Variants in RASA2 observed in about 807,000 individuals in gnomAD.
RASA2 encodes RAS p21 protein activator 2.
RASA2 carries 155 observed loss-of-function variants against 118.2 expected under a neutral mutation model. The observed-to-expected ratio is 1.31, with a 90% confidence interval of 1.15 to 1.50. The LOEUF (loss-of-function observed/expected upper bound fraction) is 1.50. Ranked by LOEUF, RASA2 falls within the 40% of genes most tolerant of loss-of-function variation. RASA2 has a pLI of 0.00. For synonymous variants in RASA2, 353 were observed against 349.1 expected, an observed-to-expected ratio of 1.01 and a Z score of -0.12; for missense variants, 1,016 against 1,009.6, an observed-to-expected ratio of 1.01 and a Z score of -0.09.
chr3:141,610,852 G>GTTTTGT (rs370878662), intron 23 of RASA2, among the ~76,000 whole-genome samples: 1,864 of 151,940 alleles, frequency 0.012, 45 homozygotes, highest in African/African-American at 0.042. Flanking sequence ...GTAGCTCTTC[G>GTTTTGT]TTTTGTTTTT....
intron 19 of RASA2, 21 bp downstream of exon 19, chr3:141,586,773 T>C: frequency 6.3e-7 from 1 of 1,575,204 alleles, no homozygotes; most frequent in South Asian, 1.1e-5. Flanking sequence ...TTATGCTTTA[T>C]TGTGGGGTTT....
intron 19 of RASA2, among the ~76,000 whole-genome samples, chr3:141,595,215 A>C (rs2083347989): frequency 6.6e-6 from 1 of 152,248 alleles, no homozygotes; most frequent in Non-Finnish European, 1.5e-5. Context: ...CAGATGAGAC[A>C]GACAGAAAAC....
At chr3:141,493,677 TATTA>T (rs900046592) in intron 1 of RASA2, among the ~76,000 whole-genome samples, 4 of 152,334 alleles carry the variant, frequency 2.6e-5, no homozygotes, top group Non-Finnish European at 4.4e-5. Context: ...ATATTTGATA[TATTA>T]ATTCTATTTG....
intron 3 of RASA2, among the ~76,000 whole-genome samples, chr3:141,523,043 T>A (rs972094661): frequency 2.0e-5 from 3 of 152,142 alleles, no homozygotes; most frequent in Non-Finnish European, 4.4e-5. Flanking sequence ...GGAGCCTGAG[T>A]GTGGAAATGT....
chr3:141,584,553 C>G (rs1295981311), intron 17 of RASA2, among the ~76,000 whole-genome samples: 1 of 152,076 alleles, frequency 6.6e-6, no homozygotes, highest in Non-Finnish European at 1.5e-5. Context: ...TTTCGATTAT[C>G]CCAGATAATC....
intron 15 of RASA2, 78 bp downstream of exon 15, chr3:141,577,184 A>G (rs2083026790): frequency 4.6e-6 from 5 of 1,087,940 alleles, no homozygotes; most frequent in East Asian, 2.8e-5. Flanking sequence ...AAATAAACCA[A>G]TTTCACTAGG....
intron 1 of RASA2, among the ~76,000 whole-genome samples, chr3:141,491,863 C>T (rs981927773): frequency 1.3e-5 from 2 of 152,166 alleles, no homozygotes; most frequent in Admixed American, 1.3e-4. Flanking sequence ...TTTGACATGA[C>T]AGGTTTGAAT....
chr3:141,570,843 A>G, intron 9 of RASA2, 69 bp from the exon 10 acceptor site: 2 of 1,441,406 alleles, frequency 1.4e-6, no homozygotes, highest in South Asian at 1.3e-5. Flanking sequence ...TTTATAACTT[A>G]ACTCTTAACT....
chr3:141,524,584 TTTTG>T (rs1471154502), intron 3 of RASA2, among the ~76,000 whole-genome samples: 1 of 152,024 alleles, frequency 6.6e-6, no homozygotes, highest in South Asian at 2.1e-4. Flanking sequence ...TTGTCACTGT[TTTTG>T]TTTGTTTGTT....
chr3:141,548,140 G>A (rs1336329752), intron 5 of RASA2, among the ~76,000 whole-genome samples: 1 of 152,140 alleles, frequency 6.6e-6, no homozygotes, highest in Non-Finnish European at 1.5e-5. Flanking sequence ...TTGGCCTATA[G>A]TTTTCTTTTT....
In RASA2 at chr3:141,580,066, AAAG is replaced by A. The variant is rs1435886206; in HGVS notation, c.1591-299_1591-297del. On this transcript the variant is annotated intron_variant, in intron 15 of 23. Coordinates refer to ENST00000286364, the MANE Select transcript of RASA2 (RefSeq NM_006506.5). ...GTGAGACTCCATCTCAGGAAAAAAA[AAAG>A]AAAAAAAAAAAAAAAAATATATATA... Among the ~76,000 whole-genome samples the A allele has an allele frequency of 4.7e-4, 44 of 94,206 alleles. 2 individuals are homozygous for A. Among genetic ancestry groups the A allele is most frequent in the African/African-American group, 1.5e-3 (30 of 20,184 alleles). The allele number at this position is 94,206 out of a possible 152,430, so 61.8% of individuals were successfully genotyped here. A position where few individuals can be genotyped will look rare whatever the true frequency, so the allele number is the denominator to read the frequency against.
chr3:141,505,076 C>G (rs966680002), intron 1 of RASA2, among the ~76,000 whole-genome samples: 4 of 152,206 alleles, frequency 2.6e-5, no homozygotes, highest in Non-Finnish European at 5.9e-5. Context: ...CTCCCTGTCT[C>G]TACCCTCTGG....
chr3:141,522,567 C>G (rs1440639348), intron 3 of RASA2, among the ~76,000 whole-genome samples: 1 of 152,114 alleles, frequency 6.6e-6, no homozygotes, highest in Non-Finnish European at 1.5e-5. Flanking sequence ...TGTGCAGGGC[C>G]TCTCCATAAG....
At chr3:141,609,033 G>A (rs2083594427) in intron 21 of RASA2, among the ~76,000 whole-genome samples, 1 of 152,156 alleles carries the variant, frequency 6.6e-6, no homozygotes, top group South Asian at 2.1e-4. Context: ...GGTTGCACAA[G>A]TTAAAAAATT....
chr3:141,537,443 G>A lies in RASA2; in HGVS notation c.451-3090G>A, dbSNP rs953347718. Among the ~76,000 whole-genome samples, 2 of 151,970 alleles carry A rather than the reference G, an allele frequency of 1.3e-5. 1 individual carries two copies. The highest frequency in any genetic ancestry group is 4.2e-4 in the South Asian group (2 of 4,812). ...TTTTATAGTTTCCAGGTATCTGCTG[G>A]ATTTTTCATTTTGTTTTATGTCTTT... On this transcript the variant is annotated intron_variant, in intron 4 of 23. Coordinates refer to ENST00000286364, the MANE Select transcript of RASA2 (RefSeq NM_006506.5).
chr3:141,585,085 C>T (rs1036999518), intron 17 of RASA2, among the ~76,000 whole-genome samples: 2 of 152,140 alleles, frequency 1.3e-5, no homozygotes, highest in Non-Finnish European at 2.9e-5. Flanking sequence ...ACAGGTCAAA[C>T]GTGGCCCTCT....
At chr3:141,489,363 AAACT>A (rs1354934165) in intron 1 of RASA2, among the ~76,000 whole-genome samples, 15 of 152,316 alleles carry the variant, frequency 9.8e-5, no homozygotes. Context: ...TGTTTCCCTG[AAACT>A]AACATGTGGG....
chr3:141,505,582 G>A (rs1003546158), intron 1 of RASA2, among the ~76,000 whole-genome samples: 1 of 152,184 alleles, frequency 6.6e-6, no homozygotes, highest in Non-Finnish European at 1.5e-5. Context: ...ATTTGTGGGG[G>A]TAAAGATGAA....
chr3:141,551,792 T>C (rs1210769969), intron 5 of RASA2, among the ~76,000 whole-genome samples: 1 of 152,212 alleles, frequency 6.6e-6, no homozygotes, highest in Non-Finnish European at 1.5e-5. Context: ...ATCAGTCTTA[T>C]TCTGAACTGT....
Sources: allele counts gnomAD v4.1 joint callset (sites outside exome capture counted in the v4.1 genomes callset), GRCh38; gene constraint gnomAD v4.1.1; transcripts MANE v1.5; gene names NCBI Gene and HGNC (gene_info 2026-07-23, HGNC 2026-07-21).